NLGN1: variants seen among roughly 807,000 people sequenced by gnomAD.
NLGN1 encodes neuroligin-1.
Under a neutral mutation model 65.5 loss-of-function variants are expected in NLGN1, and 12 were observed. That is an observed-to-expected ratio of 0.18 (90% CI 0.12 to 0.30). The LOEUF is 0.30. Ranked by LOEUF, NLGN1 falls within the 10% of genes least tolerant of loss-of-function variation. The pLI is 1.00. For missense variants in NLGN1, 750 were observed against 1,007.1 expected (o/e 0.74, Z 3.46); for synonymous variants, 350 against 359.5 (o/e 0.97, Z 0.30).
chr3:173,826,766 G>A (rs1386065508), intron 4 of NLGN1, among the ~76,000 whole-genome samples: 4 of 151,964 alleles, frequency 2.6e-5, no homozygotes, highest in Admixed American at 6.6e-5. Flanking sequence ...ATGTGTAAAC[G>A]TTTATATTAT....
intron 2 of NLGN1, among the ~76,000 whole-genome samples, chr3:173,574,378 T>A (rs1307634628): frequency 6.6e-6 from 1 of 151,914 alleles, no homozygotes; most frequent in Non-Finnish European, 1.5e-5. Context: ...CTTCTGTCTT[T>A]CAATTGAGGA....
intron 3 of NLGN1, among the ~76,000 whole-genome samples, chr3:173,658,875 T>C (rs142357121): frequency 2.2e-3 from 333 of 152,150 alleles, no homozygotes; most frequent in African/African-American, 7.8e-3. Flanking sequence ...ATTTGTATGG[T>C]TTATACACAT....
chr3:174,141,480 G>C (rs1323234278), intron 4 of NLGN1, among the ~76,000 whole-genome samples: 4 of 152,142 alleles, frequency 2.6e-5, no homozygotes, highest in Non-Finnish European at 4.4e-5. Flanking sequence ...GGTTTGATAA[G>C]AAAATGGTTT....
intron 3 of NLGN1, among the ~76,000 whole-genome samples, chr3:173,693,984 G>C (rs1220310799): frequency 6.6e-6 from 1 of 152,008 alleles, no homozygotes; most frequent in Non-Finnish European, 1.5e-5. Context: ...ACACTGCTGA[G>C]AATAGGAAGA....
chr3:173,873,247 T>C (rs1191296393), intron 4 of NLGN1, among the ~76,000 whole-genome samples: 1 of 151,634 alleles, frequency 6.6e-6, no homozygotes, highest in Non-Finnish European at 1.5e-5. Flanking sequence ...TGCCACCACA[T>C]TGGGCTAATT....
At chr3:173,774,491 A>G (rs2150283906) in intron 3 of NLGN1, among the ~76,000 whole-genome samples, 1 of 152,290 alleles carries the variant, frequency 6.6e-6, no homozygotes, top group Admixed American at 6.5e-5. Context: ...CTGGCCAAGA[A>G]GTGAATTGGA....
chr3:173,664,438 C>T (rs1761416550), intron 3 of NLGN1, among the ~76,000 whole-genome samples: 4 of 152,020 alleles, frequency 2.6e-5, no homozygotes, highest in Admixed American at 2.6e-4. Context: ...CTTTATTGTG[C>T]ATGAAGATAC....
chr3:174,280,508 C>A lies in NLGN1; in HGVS notation c.1677C>A (p.Asp559Glu). ...ACCCAAATCAACCAGTCCCTCAAGACACGAAATTCATTCATACCAAACCCA... is the reference window on the plus strand; with the variant it reads ...ACCCAAATCAACCAGTCCCTCAAGAAACGAAATTCATTCATACCAAACCCA... The change falls in exon 7 of 7, where the codon GAC (aspartate) becomes GAA (glutamate). Residue 559 changes from aspartate to glutamate, a missense_variant. Asp to Glu is a conservative substitution (Grantham distance 45). Transcript: ENST00000457714. The surrounding 1 kb of genome is among the most constrained non-coding windows in gnomAD (Gnocchi z 4.9). 2 of 1,610,934 alleles carry A rather than the reference C, an allele frequency of 1.2e-6. No homozygotes were observed. Among genetic ancestry groups the A allele is most frequent in the Non-Finnish European group, 1.7e-6 (2 of 1,178,510 alleles).
At chr3:173,930,901 C>T (rs779471454) in intron 4 of NLGN1, among the ~76,000 whole-genome samples, 8 of 152,146 alleles carry the variant, frequency 5.3e-5, no homozygotes, top group Non-Finnish European at 7.4e-5. Flanking sequence ...ACTAAGCTCT[C>T]TGATGTTGTT....
At chr3:174,063,716 G>T (rs1375109720) in intron 4 of NLGN1, among the ~76,000 whole-genome samples, 1 of 152,064 alleles carries the variant, frequency 6.6e-6, no homozygotes, top group African/African-American at 2.4e-5. Flanking sequence ...GACAGAAAGA[G>T]ACAGATTAAG....
intron 4 of NLGN1, among the ~76,000 whole-genome samples, chr3:173,870,800 G>T (rs889125434): frequency 2.0e-5 from 3 of 152,142 alleles, no homozygotes; most frequent in African/African-American, 7.2e-5. Context: ...CCAGTTCCTG[G>T]CACAGAGCTA....
chr3:173,788,355 A>G (rs1413059620), intron 3 of NLGN1, among the ~76,000 whole-genome samples: 10 of 152,082 alleles, frequency 6.6e-5, no homozygotes, highest in Middle Eastern at 3.2e-3. Flanking sequence ...AAAATGCAAC[A>G]TAAAATATCA....
At chr3:173,497,213 A>G (rs931862542) in intron 2 of NLGN1, among the ~76,000 whole-genome samples, 1 of 151,772 alleles carries the variant, frequency 6.6e-6, no homozygotes, top group East Asian at 1.9e-4. Context: ...GCAAAACTCC[A>G]TCTCTACTAA....
At chr3:174,052,396 T>C (rs1467679818) in intron 4 of NLGN1, among the ~76,000 whole-genome samples, 2 of 152,060 alleles carry the variant, frequency 1.3e-5, no homozygotes, top group Admixed American at 6.6e-5. Flanking sequence ...TGATTTTTTT[T>C]CAAATTAAGC....
intron 4 of NLGN1, among the ~76,000 whole-genome samples, chr3:174,138,355 T>C (rs1415120300): frequency 6.6e-6 from 1 of 152,136 alleles, no homozygotes; most frequent in African/African-American, 2.4e-5. Flanking sequence ...AAGCCTTCAT[T>C]TTAGTTGTAA....
chr3:173,545,796 G>A (rs1739702001), intron 2 of NLGN1, among the ~76,000 whole-genome samples: 2 of 152,102 alleles, frequency 1.3e-5, no homozygotes, highest in South Asian at 4.1e-4. Flanking sequence ...TCTTTGCAGG[G>A]ATATGGATGA....
chr3:173,813,313 CAAAT>C (rs1381043641), intron 4 of NLGN1, among the ~76,000 whole-genome samples: 3 of 152,026 alleles, frequency 2.0e-5, no homozygotes, highest in African/African-American at 7.2e-5. Context: ...TACTCCAAAA[CAAAT>C]AAACAAAAAA....
In NLGN1 at chr3:174,098,377, T is replaced by C. The variant is rs368854834; in HGVS notation, c.647-176938T>C. On this transcript the variant is annotated intron_variant, in intron 4 of 6. Coordinates refer to ENST00000457714, the Ensembl canonical transcript of NLGN1. ...GGAAGCTTGTGCATGATCACACTTT[T>C]CTTACTATAATATGCATGTCTATGT... Among the ~76,000 whole-genome samples, 514 of 152,302 alleles carry C rather than the reference T, an allele frequency of 3.4e-3. 3 individuals are homozygous for C. The highest frequency in any genetic ancestry group is 0.012 in the African/African-American group (491 of 41,568).
At chr3:173,445,675 A>C (rs2148818090) in intron 2 of NLGN1, among the ~76,000 whole-genome samples, 1 of 152,304 alleles carries the variant, frequency 6.6e-6, no homozygotes, top group South Asian at 2.1e-4. Context: ...GATTGCTAAA[A>C]CTTTGGAGCC....
Sources: gnomAD v4.1 joint callset for allele counts (sites outside exome capture counted in the v4.1 genomes callset) on GRCh38, gnomAD v4.1.1 for gene constraint, Gnocchi (gnomAD v3.1) non-coding constraint, MANE v1.5 for transcripts, NCBI Gene and HGNC (gene_info 2026-07-23, HGNC 2026-07-21) for gene names.